Variants in HDGFL1 observed in about 807,000 individuals in gnomAD.
The protein encoded by HDGFL1 is hepatoma-derived growth factor-like protein 1.
For missense variants in HDGFL1, 422 were observed against 365.3 expected (o/e 1.16, Z -1.27); for synonymous variants, 190 against 165.1 (o/e 1.15, Z -1.16).
chr6:22,570,212 G>C lies in HDGFL1; in HGVS notation c.637G>C (p.Val213Leu), dbSNP rs866923579. The change falls in exon 1 of 1, where the codon GTC becomes CTC. Residue 213 changes from valine (V) to leucine (L), a missense_variant. By Grantham distance (32) the Val-to-Leu change is conservative (BLOSUM62 1). Coordinates refer to ENST00000510882, the MANE Select transcript of HDGFL1 (RefSeq NM_138574.4). The stretch of plus-strand genomic sequence containing the variant: ...CAGCGCCCCTAGCGAGCCGGGCCTG[G>C]TCTGCGAGCCGCCTCAGCCAGAGGA... ...NGSAPSEPGL[V>L]CEPPQPEEEE... 6.4e-7 allele frequency: 1 copy of C among 1,567,682 alleles called. No homozygotes were observed. The highest frequency in any genetic ancestry group is 1.3e-5 in the African/African-American group (1 of 74,244).
rs759777707 is a variant in HDGFL1 at position 22,569,583 on chromosome 6, C to A, written c.8C>A (p.Ala3Asp). 6.2e-7 allele frequency: 1 copy of A among 1,613,128 alleles called. No homozygotes were observed. Among genetic ancestry groups the A allele is most frequent in the Admixed American group, 1.7e-5 (1 of 59,986 alleles). MS[A>D]YGMPMYKSGD... ...GGGTCCGCAGAACCAGCTATGTCGG[C>A]CTACGGCATGCCCATGTACAAGAGC... is the stretch of plus-strand genomic sequence containing the variant. The change falls in exon 1 of 1, where the codon GCC (alanine) becomes GAC (aspartate). Residue 3 changes from alanine to aspartate, a missense_variant. Transcript: ENST00000510882.
In HDGFL1 at chr6:22,570,454, A is replaced by G; in HGVS notation, c.*123A>G. The G allele has an allele frequency of 3.8e-6, 4 of 1,063,742 alleles. No homozygotes were observed. The highest frequency in any genetic ancestry group is 1.7e-5 in the African/African-American group (1 of 59,482). 65.9% of individuals were successfully genotyped at this position (1,063,742 alleles called of 1,614,324 possible). A position where few individuals can be genotyped will look rare whatever the true frequency, so the allele number is the denominator to read the frequency against. On this transcript the variant is annotated 3_prime_UTR_variant, in exon 1 of 1. Transcript: ENST00000510882. ...CCTCTCCTCAGCCCGTCCTCCTCCAACCCGCGCTCCTTTGCCCTGCCGGGC... is the reference window on the plus strand; with the variant it reads ...CCTCTCCTCAGCCCGTCCTCCTCCAGCCCGCGCTCCTTTGCCCTGCCGGGC...
In HDGFL1 at chr6:22,570,632, C is replaced by CGT. The variant is rs895157985; in HGVS notation, c.*301_*302insGT. 8.5e-6 allele frequency: 3 copies of CGT among 354,736 alleles called. No individual in the cohort carries two copies. The highest frequency in any genetic ancestry group is 6.5e-5 in the African/African-American group (3 of 45,838). The allele number at this position is 354,736 out of a possible 1,614,324, so 22.0% of individuals were successfully genotyped here. Reference sequence around the variant, plus strand: ...CCCCTCTACCCGCCACCCCACCCCACCCCACCCCCGCCCACTCGTTGCCTG... The same window carrying CGT: ...CCCCTCTACCCGCCACCCCACCCCACGTCCCACCCCCGCCCACTCGTTGCCTG... On this transcript the variant is annotated 3_prime_UTR_variant, in exon 1 of 1. Transcript: ENST00000510882.
chr6:22,570,123 C>A lies in HDGFL1; in HGVS notation c.548C>A (p.Ala183Glu), dbSNP rs771967817. ...AERAAEAERA[A>E]AAAAATAVDE... ...AGGGCGGCGGAAGCGGAGAGGGCGG[C>A]GGCGGCGGCGGCGGCGACGGCCGTC... The change falls in exon 1 of 1, where the codon GCG becomes GAG. Residue 183 changes from alanine (A) to glutamate (E), a missense_variant. Ala to Glu is a moderately radical substitution (Grantham distance 107). Transcript: ENST00000510882. 2 of 1,528,090 alleles carry A rather than the reference C, an allele frequency of 1.3e-6. No homozygotes were observed. Among genetic ancestry groups the A allele is most frequent in the African/African-American group, 1.4e-5 (1 of 72,554 alleles). 94.7% of individuals were successfully genotyped at this position (1,528,090 alleles called of 1,614,324 possible).
In HDGFL1 at chr6:22,571,369, T is replaced by G. The variant is rs973060327; in HGVS notation, c.*1038T>G. The G allele has an allele frequency of 4.8e-5, 8 of 167,204 alleles. No homozygotes were observed. Among genetic ancestry groups the G allele is most frequent in the Admixed American group, 3.3e-4 (5 of 15,286 alleles). The allele number at this position is 167,204 out of a possible 1,614,324, so 10.4% of individuals were successfully genotyped here. A position where few individuals can be genotyped will look rare whatever the true frequency, so the allele number is the denominator to read the frequency against. ...GAAGGCTCCCTTTCTGTTTGAAGTT[T>G]TATGACTTGTAGTCAGGCTTTGCTG... On this transcript the variant is annotated 3_prime_UTR_variant, in exon 1 of 1. Transcript: ENST00000510882.
rs915655575 is a variant in HDGFL1, at chr6:22,570,097, G to C, written c.522G>C (p.Glu174Asp). The C allele has an allele frequency of 6.5e-7, 1 of 1,534,652 alleles. No individual in the cohort carries two copies. The highest frequency in any genetic ancestry group is 2.1e-5 in the Admixed American group (1 of 47,394). The stretch of plus-strand genomic sequence containing the variant: ...ACCAAGAGGAGGAGGCGGAGGCGGA[G>C]AGGGCGGCGGAAGCGGAGAGGGCGG... ...APDQEEEAEA[E>D]RAAEAERAAA... is the part of the protein sequence containing the mutation. Residue 174 changes from glutamate to aspartate, a missense_variant, in exon 1 of 1, where the codon GAG (glutamate) becomes GAC (aspartate). Glu to Asp is a conservative substitution (Grantham distance 45). Coordinates refer to ENST00000510882, the MANE Select transcript of HDGFL1 (RefSeq NM_138574.4).
Position 22,570,008 on chromosome 6 carries a change from C to G in HDGFL1, c.433C>G (p.Leu145Val), listed in dbSNP as rs1450098069. The G allele has an allele frequency of 6.5e-7, 1 of 1,548,464 alleles. No homozygotes were observed. Among genetic ancestry groups the G allele is most frequent in the Non-Finnish European group, 8.7e-7 (1 of 1,146,850 alleles). The change falls in exon 1 of 1, where the codon CTG becomes GTG. Residue 145 changes from leucine to valine, a missense_variant. By Grantham distance (32) the Leu-to-Val change is conservative. Coordinates refer to ENST00000510882, the MANE Select transcript of HDGFL1 (RefSeq NM_138574.4). ...DKPTEEEKGP[L>V]KRSAGDPPED... ...GCCCACTGAGGAGGAGAAGGGGCCG[C>G]TGAAGAGGAGCGCGGGGGACCCGCC...
Position 22,570,277 on chromosome 6 carries a change from C to T in HDGFL1, c.702C>T (p.Ala234=). The T allele has an allele frequency of 6.6e-7, 1 of 1,521,360 alleles. No homozygotes were observed. The highest frequency in any genetic ancestry group is 8.8e-7 in the Non-Finnish European group (1 of 1,141,798). 94.2% of individuals were successfully genotyped at this position (1,521,360 alleles called of 1,614,324 possible). A position where few individuals can be genotyped will look rare whatever the true frequency, so the allele number is the denominator to read the frequency against. ...AGGAAGAAGTCGCGGACGAGGAGGCCTCCCAGGAGTGGCATGCCGAGGCAC... is the reference window on the plus strand; with the variant it reads ...AGGAAGAAGTCGCGGACGAGGAGGCTTCCCAGGAGTGGCATGCCGAGGCAC... ...LREEEVADEE[A]SQEWHAEAPG... The change falls in exon 1 of 1, where the codon GCC becomes GCT. Residue 234 remains alanine, a synonymous_variant. Transcript: ENST00000510882.
chr6:22,570,718 C>T lies in HDGFL1; in HGVS notation c.*387C>T, dbSNP rs954631279. The T allele has an allele frequency of 1.3e-5, 3 of 222,902 alleles. No individual in the cohort carries two copies. The highest frequency in any genetic ancestry group is 1.9e-5 in the Non-Finnish European group (2 of 105,498). 13.8% of individuals were successfully genotyped at this position (222,902 alleles called of 1,614,324 possible). On this transcript the variant is annotated 3_prime_UTR_variant, in exon 1 of 1. Transcript: ENST00000510882. ...TTCACCTCTAGACACCCCTCTCCAC[C>T]CCTCCTGCTTCCCCAGGCATTATGA...
Position 22,570,375 on chromosome 6 carries a change from G to T in HDGFL1, c.*44G>T, listed in dbSNP as rs377314691. On this transcript the variant is annotated 3_prime_UTR_variant, in exon 1 of 1. Transcript: ENST00000510882. ...GAGCCCCTGCCCCGTTCCTGCTGCG[G>T]CCTGGCCGTTCTTGGGGAATCTGAC... 8.2e-5 allele frequency: 117 copies of T among 1,419,140 alleles called. No homozygotes were observed. The African/African-American group carries it at 1.6e-3, about 19-fold the overall frequency. 87.9% of individuals were successfully genotyped at this position (1,419,140 alleles called of 1,614,324 possible). A position where few individuals can be genotyped will look rare whatever the true frequency, so the allele number is the denominator to read the frequency against.
chr6:22,569,984 C>A lies in HDGFL1; in HGVS notation c.409C>A (p.Pro137Thr). ...ATTGGGGAAGCCGGACGACGACAAGCCCACTGAGGAGGAGAAGGGGCCGCT... is the reference window on the plus strand; with the variant it reads ...ATTGGGGAAGCCGGACGACGACAAGACCACTGAGGAGGAGAAGGGGCCGCT... ...DELGKPDDDKPTEEEKGPLKR... is the reference protein window; with the variant it reads ...DELGKPDDDKTTEEEKGPLKR... Residue 137 changes from proline (P) to threonine (T), a missense_variant, in exon 1 of 1, where the codon CCC (proline) becomes ACC (threonine). Physicochemically the swap from Pro to Thr is conservative, Grantham distance 38. Transcript: ENST00000510882. 6.5e-7 allele frequency: 1 copy of A among 1,549,184 alleles called. No individual in the cohort carries two copies. Among genetic ancestry groups the A allele is most frequent in the Non-Finnish European group, 8.7e-7 (1 of 1,147,014 alleles).
rs1760894978 is a variant in HDGFL1 at position 22,570,134 on chromosome 6, G to GCGGCGGCGA, written c.564_565insGCGACGGCG (p.Ala188_Thr189insAlaThrAla). 2.6e-6 allele frequency: 4 copies of GCGGCGGCGA among 1,535,122 alleles called. No individual in the cohort carries two copies. The South Asian group carries it at 3.7e-5, about 14-fold the overall frequency. On this transcript the variant is annotated inframe_insertion, in exon 1 of 1. Coordinates refer to ENST00000510882, the MANE Select transcript of HDGFL1 (RefSeq NM_138574.4). ...AGCGGAGAGGGCGGCGGCGGCGGCG[G>GCGGCGGCGA]CGGCGACGGCCGTCGACGAGGAGAG...
Position 22,570,151 on chromosome 6 carries a change from C to G in HDGFL1, c.576C>G (p.Asp192Glu), listed in dbSNP as rs200402430. ...AAAAAAATAV[D>E]EESPFLVAVE... ...CGGCGGCGGCGGCGACGGCCGTCGA[C>G]GAGGAGAGTCCGTTCCTCGTGGCGG... The change falls in exon 1 of 1, where the codon GAC becomes GAG. Residue 192 changes from aspartate (D) to glutamate (E), a missense_variant. Asp to Glu is a conservative substitution (Grantham distance 45, BLOSUM62 2). Transcript: ENST00000510882. 1 of 1,547,622 alleles carries G rather than the reference C, an allele frequency of 6.5e-7. No homozygotes were observed. The highest frequency in any genetic ancestry group is 8.7e-7 in the Non-Finnish European group (1 of 1,151,112).
chr6:22,570,330 A>T lies in HDGFL1; in HGVS notation c.755A>T (p.Ter252LeuextTer67). ...GGCGGCGGAGATCGCGACAGCCTGT[A>T]GTTACCAGCGTTTCCAGAAGAGCCC... Reference protein sequence around the residue: ...APGGGDRDSL* With the variant: ...APGGGDRDSLL The change falls in exon 1 of 1, where the codon TAG (stop) becomes TTG (leucine). Residue 252 changes from the stop codon to leucine, a stop_lost. Transcript: ENST00000510882. 1 of 1,460,480 alleles carries T rather than the reference A, an allele frequency of 6.8e-7. No homozygotes were observed. Among genetic ancestry groups the T allele is most frequent in the Admixed American group, 2.7e-5 (1 of 36,654 alleles). The allele number at this position is 1,460,480 out of a possible 1,614,324, so 90.5% of individuals were successfully genotyped here.
chr6:22,569,926 C>T lies in HDGFL1; in HGVS notation c.351C>T (p.Asp117=), dbSNP rs1422469575. ...PEPEAAEGDE[D]KPTHAGGGGD... ...CCGAGGCCGCAGAGGGCGACGAGGA[C>T]AAGCCGACCCACGCTGGTGGCGGCG... Residue 117 remains aspartate, a synonymous_variant, in exon 1 of 1, where the codon GAC becomes GAT. Transcript: ENST00000510882. 13 of 1,553,470 alleles carry T rather than the reference C, an allele frequency of 8.4e-6. No homozygotes were observed. The highest frequency in any genetic ancestry group is 1.1e-5 in the Non-Finnish European group (13 of 1,149,080).
chr6:22,570,294 C>G lies in HDGFL1; in HGVS notation c.719C>G (p.Ala240Gly). Residue 240 changes from alanine (A) to glycine (G), a missense_variant, in exon 1 of 1, where the codon GCC (alanine) becomes GGC (glycine). Coordinates refer to ENST00000510882, the MANE Select transcript of HDGFL1 (RefSeq NM_138574.4). ...ADEEASQEWH[A>G]EAPGGGDRDS... ...GAGGAGGCCTCCCAGGAGTGGCATG[C>G]CGAGGCACCGGGCGGCGGAGATCGC... 2 of 1,503,780 alleles carry G rather than the reference C, an allele frequency of 1.3e-6. No homozygotes were observed. The highest frequency in any genetic ancestry group is 1.8e-6 in the Non-Finnish European group (2 of 1,132,288). 93.2% of individuals were successfully genotyped at this position (1,503,780 alleles called of 1,614,324 possible). A position where few individuals can be genotyped will look rare whatever the true frequency, so the allele number is the denominator to read the frequency against.
Position 22,570,440 on chromosome 6 carries a change from C to A in HDGFL1, c.*109C>A. 1 of 1,204,564 alleles carries A rather than the reference C, an allele frequency of 8.3e-7. No homozygotes were observed. Among genetic ancestry groups the A allele is most frequent in the Non-Finnish European group, 1.1e-6 (1 of 905,720 alleles). 74.6% of individuals were successfully genotyped at this position (1,204,564 alleles called of 1,614,324 possible). A position where few individuals can be genotyped will look rare whatever the true frequency, so the allele number is the denominator to read the frequency against. On this transcript the variant is annotated 3_prime_UTR_variant, in exon 1 of 1. Transcript: ENST00000510882. Reference sequence around the variant, plus strand: ...TGGGACTGCCTTTCCCTCTCCTCAGCCCGTCCTCCTCCAACCCGCGCTCCT... The same window carrying A: ...TGGGACTGCCTTTCCCTCTCCTCAGACCGTCCTCCTCCAACCCGCGCTCCT...
Position 22,569,835 on chromosome 6 carries a change from C to T in HDGFL1, c.260C>T (p.Thr87Met), listed in dbSNP as rs2076506. The T allele has an allele frequency of 0.1, 162,669 of 1,609,068 alleles. 11,925 individuals are homozygous for T. Among genetic ancestry groups the T allele is most frequent in the East Asian group, 0.33 (14,884 of 44,480 alleles). ...CTGTGGGAAATCGAGAACAACCCCA[C>T]GGTCCAGGCCTCCGACTGCCCATTA... ...AGLWEIENNP[T>M]VQASDCPLAS... The change falls in exon 1 of 1, where the codon ACG becomes ATG. Residue 87 changes from threonine to methionine, a missense_variant. By Grantham distance (81) the Thr-to-Met change is moderately conservative (BLOSUM62 -1). Transcript: ENST00000510882.
Position 22,571,443 on chromosome 6 carries a change from A to C in HDGFL1, c.*1112A>C. 1 of 167,210 alleles carries C rather than the reference A, an allele frequency of 6.0e-6. No homozygotes were observed. The allele number at this position is 167,210 out of a possible 1,614,324, so 10.4% of individuals were successfully genotyped here. On this transcript the variant is annotated 3_prime_UTR_variant, in exon 1 of 1. Coordinates refer to ENST00000510882, the MANE Select transcript of HDGFL1 (RefSeq NM_138574.4). ...TCAGGTACCATCACCTGGTCCCATC[A>C]ACAGGTCTAGTATGTAGCTCACTGA...
Sources: allele counts gnomAD v4.1 joint callset, GRCh38; gene constraint gnomAD v4.1.1; transcripts MANE v1.5; gene names NCBI Gene and HGNC (gene_info 2026-07-23, HGNC 2026-07-21).